The following NAV3 variants were observed in gnomAD, a reference collection of about 807,000 sequenced individuals.
The protein encoded by NAV3 is neuron navigator 3.
Under a neutral mutation model 244.7 loss-of-function variants are expected in NAV3, and 87 were observed. The ratio of observed to expected loss-of-function variants is 0.36; its 90% CI spans 0.30 to 0.42. NAV3 has a LOEUF of 0.42. Ranked by LOEUF, NAV3 falls within the 20% of genes least tolerant of loss-of-function variation. The pLI, the probability that NAV3 is intolerant of heterozygous loss-of-function variation, is 1.00. For missense variants in NAV3, 2,663 were observed against 2,893.3 expected (o/e 0.92, Z 1.83); for synonymous variants, 1,126 against 1,042.2 (o/e 1.08, Z -1.55).
chr12:77,922,367 G>A (rs142634763), intron 1 of NAV3, among the ~76,000 whole-genome samples: 290 of 152,050 alleles, frequency 1.9e-3, no homozygotes, highest in East Asian at 8.1e-3. Flanking sequence ...CGGGTCATTC[G>A]GGCTCTTGTG....
intron 1 of NAV3, among the ~76,000 whole-genome samples, chr12:77,899,052 T>C (rs1457798307): frequency 1.3e-5 from 2 of 152,172 alleles, no homozygotes; most frequent in Non-Finnish European, 2.9e-5. Flanking sequence ...CCTGAAGATA[T>C]GACTGACCTG....
chr12:77,782,152 T>C lies in NAV3; in HGVS notation c.73-158167T>C, dbSNP rs143205295. Among the ~76,000 whole-genome samples the C allele has an allele frequency of 2.3e-3, 357 of 152,286 alleles. 2 individuals are homozygous for C. Among genetic ancestry groups the C allele is most frequent in the African/African-American group, 8.3e-3 (343 of 41,554 alleles). Reference sequence around the variant, plus strand: ...GTCACATCTGGAGCAGTTTGTTGATTGAAGTAGGCATTCTCATGTTCAAGA... The same window carrying C: ...GTCACATCTGGAGCAGTTTGTTGATCGAAGTAGGCATTCTCATGTTCAAGA... On this transcript the variant is annotated intron_variant, in intron 2 of 8. Coordinates refer to the NAV3 transcript ENST00000550042.
chr12:78,149,745 C>T (rs1188902788), intron 22 of NAV3, among the ~76,000 whole-genome samples: 1 of 152,030 alleles, frequency 6.6e-6, no homozygotes, highest in Non-Finnish European at 1.5e-5. Context: ...CCACCCCTCC[C>T]GCTGCTCCTC....
At chr12:77,908,937 T>C (rs1481197953) in intron 1 of NAV3, among the ~76,000 whole-genome samples, 1 of 152,060 alleles carries the variant, frequency 6.6e-6, no homozygotes, top group Non-Finnish European at 1.5e-5. Flanking sequence ...GTAACATAGA[T>C]GTGGAAATGG....
intron 23 of NAV3, among the ~76,000 whole-genome samples, chr12:78,160,001 A>G (rs1034573671): frequency 1.3e-5 from 2 of 152,260 alleles, no homozygotes; most frequent in Admixed American, 6.5e-5. Flanking sequence ...ACACACAGGA[A>G]GGATGCCTGG....
At chr12:78,151,069 A>G (rs1440427766) in intron 22 of NAV3, among the ~76,000 whole-genome samples, 1 of 151,912 alleles carries the variant, frequency 6.6e-6, no homozygotes, top group African/African-American at 2.4e-5. Flanking sequence ...CATTTAAAAA[A>G]AAATAAAAAT....
At position 78,058,238 on chromosome 12, in the gene NAV3, G is replaced by A. The variant is rs527492471; in HGVS notation, c.2517-758G>A. 2.0e-5 allele frequency among the ~76,000 whole-genome samples: 3 copies of A among 152,272 alleles called. No homozygotes were observed. In the East Asian group the frequency reaches 5.8e-4, roughly 29 times the overall value. On this transcript the variant is annotated intron_variant, in intron 11 of 39. Coordinates refer to ENST00000397909, the MANE Select transcript of NAV3 (RefSeq NM_001024383.2). ...GAGACTGGGTGATTTATAAGGGAAA[G>A]AGGTTTAATTGACTCACAGTTTCAC...
At chr12:77,810,989 T>C (rs1872260262) in intron 2 of NAV3, among the ~76,000 whole-genome samples, 1 of 152,206 alleles carries the variant, frequency 6.6e-6, no homozygotes, top group South Asian at 2.1e-4. Context: ...GTAACAAATA[T>C]ACAAGGCAAT....
chr12:77,921,530 G>A (rs959297916), intron 1 of NAV3, among the ~76,000 whole-genome samples: 8 of 152,004 alleles, frequency 5.3e-5, no homozygotes, highest in Non-Finnish European at 8.8e-5. Flanking sequence ...AAATCATGCC[G>A]TTGTTAAGAA....
chr12:77,987,079 A>G (rs1438268088), intron 5 of NAV3, among the ~76,000 whole-genome samples: 2 of 152,158 alleles, frequency 1.3e-5, no homozygotes, highest in Admixed American at 6.5e-5. Context: ...CTTGATTTCT[A>G]TGTAAAGTAG....
intron 12 of NAV3, among the ~76,000 whole-genome samples, chr12:78,096,819 A>G (rs1482258441): frequency 6.6e-6 from 1 of 152,098 alleles, no homozygotes; most frequent in Non-Finnish European, 1.5e-5. Flanking sequence ...TGGGTACCAT[A>G]TCCATTCTGT....
intron 12 of NAV3, among the ~76,000 whole-genome samples, chr12:78,098,435 T>C (rs990333535): frequency 1.3e-5 from 2 of 151,880 alleles, no homozygotes; most frequent in African/African-American, 4.8e-5. Flanking sequence ...TGCTCACATG[T>C]CATATATTAA....
chr12:77,961,125 T>C (rs1006240249), intron 3 of NAV3, among the ~76,000 whole-genome samples: 8 of 146,204 alleles, frequency 5.5e-5, no homozygotes, highest in Non-Finnish European at 7.5e-5. Flanking sequence ...ATAATAAATA[T>C]ATACTTTAAT....
At chr12:77,662,287 T>C (rs898001480) in intron 2 of NAV3, among the ~76,000 whole-genome samples, 1 of 151,476 alleles carries the variant, frequency 6.6e-6, no homozygotes, top group Admixed American at 6.6e-5. Context: ...TTTAGATCTT[T>C]ACTTTCTCTC....
At chr12:77,879,725 C>CTA in intron 1 of NAV3, among the ~76,000 whole-genome samples, 1 of 147,158 alleles carries the variant, frequency 6.8e-6, no homozygotes, top group Non-Finnish European at 1.5e-5. Context: ...TATTTCACAG[C>CTA]TATAAAACTA....
chr12:78,054,134 TAAGAAA>T (rs1883152788), intron 11 of NAV3, among the ~76,000 whole-genome samples: 1 of 152,136 alleles, frequency 6.6e-6, no homozygotes, highest in African/African-American at 2.4e-5. Flanking sequence ...AAGCAGTGAA[TAAGAAA>T]AAGAAACATT....
chr12:78,161,492 TAC>T (rs1428337250), intron 23 of NAV3, among the ~76,000 whole-genome samples: 3 of 152,074 alleles, frequency 2.0e-5, no homozygotes, highest in Admixed American at 6.6e-5. Context: ...CATAGAAACA[TAC>T]AGAGAATTTT....
chr12:78,100,121 A>G (rs911162795), intron 12 of NAV3, among the ~76,000 whole-genome samples: 2 of 151,966 alleles, frequency 1.3e-5, no homozygotes, highest in Non-Finnish European at 2.9e-5. Flanking sequence ...TGAATATTTC[A>G]TGGATAAAAT....
intron 2 of NAV3, among the ~76,000 whole-genome samples, chr12:77,789,437 T>C (rs978597092): frequency 6.6e-6 from 1 of 152,248 alleles, no homozygotes; most frequent in East Asian, 1.9e-4. Context: ...GTGTCCAATT[T>C]TTTTACTTTC....
Sources: allele counts gnomAD v4.1 joint callset (sites outside exome capture counted in the v4.1 genomes callset), GRCh38; gene constraint gnomAD v4.1.1; transcripts MANE v1.5; gene names NCBI Gene and HGNC (gene_info 2026-07-23, HGNC 2026-07-21).